Variants in GRIK2 observed in about 807,000 individuals in gnomAD.
The protein encoded by GRIK2 is glutamate receptor ionotropic, kainate 2.
Under a neutral mutation model 100.3 loss-of-function variants are expected in GRIK2, and 32 were observed. That is an observed-to-expected ratio of 0.32 (90% CI 0.24 to 0.43). The LOEUF (loss-of-function observed/expected upper bound fraction) is 0.43, where lower values mean the gene tolerates loss of function less well. Among genes scored for constraint, GRIK2 ranks in the 20% least tolerant of loss-of-function variants. The probability of loss-of-function intolerance (pLI) is 1.00; values close to 1 mark genes in which losing one functional copy is unlikely to be tolerated. For missense variants in GRIK2, 843 were observed against 1,114.9 expected (o/e 0.76, Z 3.47); for synonymous variants, 417 against 389.4 (o/e 1.07, Z -0.83).
At chr6:101,773,216 C>T (rs1289204356) in intron 7 of GRIK2, among the ~76,000 whole-genome samples, 1 of 152,158 alleles carries the variant, frequency 6.6e-6, no homozygotes, top group African/African-American at 2.4e-5. Flanking sequence ...TGCTGTGGCT[C>T]ATGCCTGTAA....
chr6:101,646,548 T>A (rs1781535461), intron 4 of GRIK2, among the ~76,000 whole-genome samples: 1 of 151,372 alleles, frequency 6.6e-6, no homozygotes, highest in South Asian at 2.1e-4. Flanking sequence ...ATATTTTAGT[T>A]TACTTTAATT....
At position 101,696,152 on chromosome 6, in the gene GRIK2, G is replaced by C. The variant is rs535767646; in HGVS notation, c.951+9799G>C. On this transcript the variant is annotated intron_variant, in intron 7 of 16. Transcript: ENST00000369134. ...CATCAATTTTAGAATCAATATGTCT[G>C]TAAGAAATTTAACAATTTTCCCTGC... is the stretch of plus-strand genomic sequence containing the variant. Among the ~76,000 whole-genome samples the C allele has an allele frequency of 5.3e-5, 8 of 151,998 alleles. No homozygotes were observed. In the South Asian group the frequency reaches 1.7e-3, roughly 32 times the overall value.
At chr6:101,694,744 A>G (rs750055975) in intron 7 of GRIK2, among the ~76,000 whole-genome samples, 26 of 152,028 alleles carry the variant, frequency 1.7e-4, no homozygotes, top group Non-Finnish European at 3.1e-4. Flanking sequence ...AAACTAAACT[A>G]TATGTTGTAT....
chr6:101,596,839 T>C (rs1282455945), intron 2 of GRIK2, among the ~76,000 whole-genome samples: 1 of 151,654 alleles, frequency 6.6e-6, no homozygotes, highest in Non-Finnish European at 1.5e-5. Context: ...AATGTCTTTA[T>C]GTAGAACTAA....
chr6:101,951,555 G>T lies in GRIK2; in HGVS notation c.2085+22923G>T, dbSNP rs573384263. Among the ~76,000 whole-genome samples the T allele has an allele frequency of 1.3e-3, 199 of 152,272 alleles. 1 individual carries two copies. The highest frequency in any genetic ancestry group is 8.5e-3 in the South Asian group (41 of 4,822). ...AGAGACATTCCATGTAGACTGATATGGTTTAGCTGTGTTCCCATCCAAATC... is the reference window on the plus strand; with the variant it reads ...AGAGACATTCCATGTAGACTGATATTGTTTAGCTGTGTTCCCATCCAAATC... On this transcript the variant is annotated intron_variant, in intron 14 of 16. Transcript: ENST00000369134.
chr6:101,739,480 G>C (rs1775887628), intron 7 of GRIK2, among the ~76,000 whole-genome samples: 1 of 152,094 alleles, frequency 6.6e-6, no homozygotes, highest in African/African-American at 2.4e-5. Flanking sequence ...TCTCGTTCAG[G>C]CTCTGTTATT....
At chr6:101,956,156 C>T (rs1791923610) in intron 14 of GRIK2, among the ~76,000 whole-genome samples, 2 of 152,110 alleles carry the variant, frequency 1.3e-5, no homozygotes, top group South Asian at 4.1e-4. Context: ...CTTTAAATTA[C>T]TAACGCATTT....
intron 4 of GRIK2, 38 bp from the exon 5 acceptor site, chr6:101,676,585 C>G (rs1170653653): frequency 1.7e-6 from 2 of 1,199,942 alleles, no homozygotes; most frequent in Non-Finnish European, 2.3e-6. Context: ...TATTTTTTAT[C>G]TCTAATATTC....
intron 14 of GRIK2, among the ~76,000 whole-genome samples, chr6:101,945,080 T>C (rs990063602): frequency 1.1e-4 from 16 of 152,144 alleles, no homozygotes; most frequent in Non-Finnish European, 2.2e-4. Flanking sequence ...ACATGTTGTG[T>C]ATATTACAGG....
chr6:101,869,476 G>A (rs746122279), intron 11 of GRIK2, among the ~76,000 whole-genome samples: 11 of 148,606 alleles, frequency 7.4e-5, no homozygotes, highest in Non-Finnish European at 1.5e-4. Flanking sequence ...GGCTCTTCTA[G>A]GAAATTCAGT....
chr6:101,798,975 T>C (rs1003323349), intron 7 of GRIK2, among the ~76,000 whole-genome samples: 11 of 152,260 alleles, frequency 7.2e-5, no homozygotes, highest in African/African-American at 2.4e-4. Flanking sequence ...CATATGGAAA[T>C]CTTGGGGAAA....
intron 2 of GRIK2, among the ~76,000 whole-genome samples, chr6:101,616,236 T>G (rs1779889000): frequency 6.6e-6 from 1 of 151,882 alleles, no homozygotes; most frequent in African/African-American, 2.4e-5. Context: ...ATCTTCACCT[T>G]TCACTGTCCT....
At chr6:101,441,976 A>T (rs2788273) in intron 2 of GRIK2, among the ~76,000 whole-genome samples, 5 of 147,422 alleles carry the variant, frequency 3.4e-5, no homozygotes, top group Non-Finnish European at 7.5e-5. Flanking sequence ...AAAAAAAAAA[A>T]GGGGTGAACA....
chr6:101,891,133 C>CTT (rs11427772), intron 12 of GRIK2, among the ~76,000 whole-genome samples: 44 of 149,532 alleles, frequency 2.9e-4, no homozygotes, highest in African/African-American at 5.9e-4. Flanking sequence ...AGGAATTAAA[C>CTT]TTTTTTTTTT....
intron 2 of GRIK2, among the ~76,000 whole-genome samples, chr6:101,411,512 G>A (rs1400656968): frequency 6.6e-6 from 1 of 152,008 alleles, no homozygotes; most frequent in Admixed American, 6.6e-5. Context: ...CAAAGTAACT[G>A]TACTTAAACA....
chr6:101,421,308 A>G (rs1043056773), intron 2 of GRIK2, among the ~76,000 whole-genome samples: 7 of 152,202 alleles, frequency 4.6e-5, no homozygotes, highest in South Asian at 2.1e-4. Context: ...TAAGCTACGC[A>G]GCATGACATG....
At chr6:101,661,225 G>A (rs866855350) in intron 4 of GRIK2, among the ~76,000 whole-genome samples, 2 of 152,146 alleles carry the variant, frequency 1.3e-5, no homozygotes, top group Non-Finnish European at 2.9e-5. Flanking sequence ...TTGCTGAGCT[G>A]CAGTGGGCTC....
At chr6:101,875,660 C>G (rs9404155) in intron 11 of GRIK2, among the ~76,000 whole-genome samples, 80,461 of 151,376 alleles carry the variant, frequency 0.53, 21,813 homozygotes, top group Middle Eastern at 0.66. Context: ...TTTCTTTTGA[C>G]TCATTGTTTT....
intron 7 of GRIK2, among the ~76,000 whole-genome samples, chr6:101,785,124 C>T (rs992037666): frequency 6.6e-6 from 1 of 151,820 alleles, no homozygotes; most frequent in Non-Finnish European, 1.5e-5. Flanking sequence ...TTCACATCCT[C>T]TGCCCACTTT....
Sources: gnomAD v4.1 joint callset for allele counts (sites outside exome capture counted in the v4.1 genomes callset) on GRCh38, gnomAD v4.1.1 for gene constraint, MANE v1.5 for transcripts, NCBI Gene and HGNC (gene_info 2026-07-23, HGNC 2026-07-21) for gene names.